The following KLF6 variants were observed in gnomAD, a reference collection of about 807,000 sequenced individuals.
KLF6 encodes the protein KLF transcription factor 6, also known as Krueppel-like factor 6.
For synonymous variants in KLF6, 152 were observed against 147.9 expected, an observed-to-expected ratio of 1.03 and a Z score of -0.20; for missense variants, 233 against 359.8, an observed-to-expected ratio of 0.65 and a Z score of 2.85.
In KLF6 at chr10:3,781,764, C is replaced by T. The variant is rs763596063; in HGVS notation, c.553G>A (p.Asp185Asn). 6.2e-7 allele frequency: 1 copy of T among 1,614,252 alleles called. No individual in the cohort carries two copies. Among genetic ancestry groups the T allele is most frequent in the Non-Finnish European group, 8.5e-7 (1 of 1,180,046 alleles). The change falls in exon 2 of 4, where the codon GAC (aspartate) becomes AAC (asparagine). Residue 185 changes from aspartate to asparagine, a missense_variant. Transcript: ENST00000497571. The surrounding 1 kb of genome is among the most constrained non-coding windows in gnomAD (Gnocchi z 5.8). Reference sequence around the variant, plus strand: ...GGGGAGGCATCGCCATTTCCCTTGTCACCTGGCTTCCCCGAAGTCCCGCTG... The same window carrying T: ...GGGGAGGCATCGCCATTTCCCTTGTTACCTGGCTTCCCCGAAGTCCCGCTG... ...VRSGTSGKPGDKGNGDASPDG... is the reference protein window; with the variant it reads ...VRSGTSGKPGNKGNGDASPDG...
chr10:3,784,371 AAG>A (rs1394406740), intron 1 of KLF6, among the ~76,000 whole-genome samples: 1 of 152,188 alleles, frequency 6.6e-6, no homozygotes, highest in Non-Finnish European at 1.5e-5. Context: ...CTTGGTCAAC[AAG>A]AGAAGCAGGG....
Position 3,776,433 on chromosome 10 carries a change from T to TGAG in KLF6, c.*3103_*3105dup, listed in dbSNP as rs1564291717. The TGAG allele has an allele frequency of 1.9e-6, 1 of 532,118 alleles. No homozygotes were observed. The highest frequency in any genetic ancestry group is 1.9e-5 in the African/African-American group (1 of 53,768). 33.0% of individuals were successfully genotyped at this position (532,118 alleles called of 1,614,324 possible). ...GGAAAGAGGAAGGGGCTGAGGTCGGTGAGTTGTTCTCAGGGTTGCTCAATG... is the reference window on the plus strand; with the variant it reads ...GGAAAGAGGAAGGGGCTGAGGTCGGTGAGGAGTTGTTCTCAGGGTTGCTCAATG... On this transcript the variant is annotated 3_prime_UTR_variant, in exon 4 of 4. Coordinates refer to ENST00000497571, the MANE Select transcript of KLF6 (RefSeq NM_001300.6).
chr10:3,776,932 C>CTTTTT lies in KLF6; in HGVS notation c.*2602_*2606dup. On this transcript the variant is annotated 3_prime_UTR_variant, in exon 4 of 4. Coordinates refer to ENST00000497571, the MANE Select transcript of KLF6 (RefSeq NM_001300.6). ...AAGCCAGTGCAAGTTTTTTTTTTTC[C>CTTTTT]TTTTTTTTTTTTTGTCTTTTGCTTA... is the stretch of plus-strand genomic sequence containing the variant. The CTTTTT allele has an allele frequency of 2.6e-5, 11 of 417,584 alleles. No individual in the cohort carries two copies. The highest frequency in any genetic ancestry group is 1.5e-4 in the East Asian group (3 of 19,396). The allele number at this position is 417,584 out of a possible 1,614,324, so 25.9% of individuals were successfully genotyped here. A position where few individuals can be genotyped will look rare whatever the true frequency, so the allele number is the denominator to read the frequency against.
In KLF6 at chr10:3,776,553, TGC is replaced by T; in HGVS notation, c.*2984_*2985del. On this transcript the variant is annotated 3_prime_UTR_variant, in exon 4 of 4. Coordinates refer to ENST00000497571, the MANE Select transcript of KLF6 (RefSeq NM_001300.6). ...CCAAAAAAAACAACCAGACTCAAGA[TGC>T]TGATAAGAATTCTTTTATGTTATTC... 1.9e-6 allele frequency: 1 copy of T among 526,876 alleles called. No homozygotes were observed. Among genetic ancestry groups the T allele is most frequent in the South Asian group, 1.5e-5 (1 of 65,092 alleles). The allele number at this position is 526,876 out of a possible 1,614,324, so 32.6% of individuals were successfully genotyped here.
rs1588341912 is a variant in KLF6 at position 3,779,470 on chromosome 10, A to C, written c.*69T>G. ...ACGGCATGCTTTGGCTGGAACACGC[A>C]TCCCTCCTTCCACGGCCGGCTCTCA... On this transcript the variant is annotated 3_prime_UTR_variant, in exon 4 of 4. Transcript: ENST00000497571. 7.5e-7 allele frequency: 1 copy of C among 1,331,992 alleles called. No homozygotes were observed. Among genetic ancestry groups the C allele is most frequent in the Non-Finnish European group, 1.1e-6 (1 of 923,246 alleles). 82.5% of individuals were successfully genotyped at this position (1,331,992 alleles called of 1,614,324 possible).
At position 3,777,879 on chromosome 10, in the gene KLF6, A is replaced by G. The variant is rs749703226; in HGVS notation, c.*1660T>C. On this transcript the variant is annotated 3_prime_UTR_variant, in exon 4 of 4. Coordinates refer to ENST00000497571, the MANE Select transcript of KLF6 (RefSeq NM_001300.6). ...ATTACCAACAGATAGCTAGACAGAT[A>G]TGTGAAACTTGTGCCTTTTAAGCAA... 8 of 486,592 alleles carry G rather than the reference A, an allele frequency of 1.6e-5. No homozygotes were observed. The highest frequency in any genetic ancestry group is 1.1e-4 in the South Asian group (7 of 63,280). 30.1% of individuals were successfully genotyped at this position (486,592 alleles called of 1,614,324 possible). A position where few individuals can be genotyped will look rare whatever the true frequency, so the allele number is the denominator to read the frequency against.
chr10:3,780,563 C>G lies in KLF6; in HGVS notation c.677-334G>C, dbSNP rs996693256. 20 of 408,104 alleles carry G rather than the reference C, an allele frequency of 4.9e-5. No homozygotes were observed. Among genetic ancestry groups the G allele is most frequent in the African/African-American group, 4.1e-4 (20 of 48,944 alleles). The allele number at this position is 408,104 out of a possible 1,614,324, so 25.3% of individuals were successfully genotyped here. A position where few individuals can be genotyped will look rare whatever the true frequency, so the allele number is the denominator to read the frequency against. ...GCCGGACCCACAGCCCCGGCAAAGG[C>G]AGAGCTATTGCTTTCTTCATGGCAA... On this transcript the variant is annotated intron_variant, in intron 2 of 3. Coordinates refer to ENST00000497571, the MANE Select transcript of KLF6 (RefSeq NM_001300.6). This position sits in a 1 kb window ranked among gnomAD's most constrained non-coding sequence, Gnocchi z 4.6.
chr10:3,780,268 C>A lies in KLF6; in HGVS notation c.677-39G>T. 6.2e-7 allele frequency: 1 copy of A among 1,611,132 alleles called. No individual in the cohort carries two copies. The highest frequency in any genetic ancestry group is 1.1e-5 in the South Asian group (1 of 91,070). On this transcript the variant is annotated intron_variant, in intron 2 of 3. Transcript: ENST00000497571. This position sits in a 1 kb window ranked among gnomAD's most constrained non-coding sequence, Gnocchi z 4.6. ...ACAGGACAAGCAGCCCATGACTTCA[C>A]TGACCCGCAGACGGAAAGGGGAAAT...
Position 3,776,359 on chromosome 10 carries a change from G to A in KLF6, c.*3180C>T, listed in dbSNP as rs1416596768. 10 of 532,326 alleles carry A rather than the reference G, an allele frequency of 1.9e-5. No individual in the cohort carries two copies. Among genetic ancestry groups the A allele is most frequent in the Non-Finnish European group, 2.9e-5 (8 of 275,192 alleles). The allele number at this position is 532,326 out of a possible 1,614,324, so 33.0% of individuals were successfully genotyped here. ...AAGAGTATTTGATGCATTCAGGGAG[G>A]GCAATGTCAGGCTCGCTGACATCCT... is the stretch of plus-strand genomic sequence containing the variant. On this transcript the variant is annotated 3_prime_UTR_variant, in exon 4 of 4. Transcript: ENST00000497571.
intron 3 of KLF6, 108 bp downstream of exon 3, chr10:3,779,998 G>C: frequency 7.2e-7 from 1 of 1,388,432 alleles, no homozygotes; most frequent in Non-Finnish European, 1.0e-6. Flanking sequence ...TTCACACATA[G>C]GAAACTGCAT....
In KLF6 at chr10:3,778,659, A is replaced by G. The variant is rs1832450678; in HGVS notation, c.*880T>C. Reference sequence around the variant, plus strand: ...TGTATATTGCCAGGCCCGGATGGCTAGGGGGTCACTGTATTAGACAGATTG... The same window carrying G: ...TGTATATTGCCAGGCCCGGATGGCTGGGGGGTCACTGTATTAGACAGATTG... On this transcript the variant is annotated 3_prime_UTR_variant, in exon 4 of 4. Coordinates refer to ENST00000497571, the MANE Select transcript of KLF6 (RefSeq NM_001300.6). 1.9e-6 allele frequency: 1 copy of G among 520,076 alleles called. No individual in the cohort carries two copies. Among genetic ancestry groups the G allele is most frequent in the East Asian group, 4.1e-5 (1 of 24,620 alleles). 32.2% of individuals were successfully genotyped at this position (520,076 alleles called of 1,614,324 possible).
At position 3,785,181 on chromosome 10, in the gene KLF6, A is replaced by T; in HGVS notation, c.-167T>A. 1 of 1,415,894 alleles carries T rather than the reference A, an allele frequency of 7.1e-7. No individual in the cohort carries two copies. Among genetic ancestry groups the T allele is most frequent in the Non-Finnish European group, 9.6e-7 (1 of 1,039,228 alleles). 87.7% of individuals were successfully genotyped at this position (1,415,894 alleles called of 1,614,324 possible). ...GCAGCCCGCAGCGCGCGGAGCCCAC[A>T]CAATATTTGCAAACACCGGACTGAC... On this transcript the variant is annotated 5_prime_UTR_variant, in exon 1 of 4. Coordinates refer to ENST00000497571, the MANE Select transcript of KLF6 (RefSeq NM_001300.6).
In KLF6 at chr10:3,780,770, C is replaced by G. The variant is rs1430519543; in HGVS notation, c.677-541G>C. On this transcript the variant is annotated intron_variant, in intron 2 of 3. Transcript: ENST00000497571. The surrounding 1 kb of genome is among the most constrained non-coding windows in gnomAD (Gnocchi z 4.6). ...TTGAACAACTGGGTTCACTTCATTC[C>G]TTGGTCAAATCATAAATATGAATTT... is the stretch of plus-strand genomic sequence containing the variant. 5.3e-6 allele frequency: 1 copy of G among 188,684 alleles called. No homozygotes were observed. The highest frequency in any genetic ancestry group is 1.1e-5 in the Non-Finnish European group (1 of 87,790). 11.7% of individuals were successfully genotyped at this position (188,684 alleles called of 1,614,324 possible).
Position 3,781,914 on chromosome 10 carries a change from C to A in KLF6, c.403G>T (p.Val135Phe). 6.2e-7 allele frequency: 1 copy of A among 1,614,188 alleles called. No homozygotes were observed. Among genetic ancestry groups the A allele is most frequent in the Non-Finnish European group, 8.5e-7 (1 of 1,180,028 alleles). The change falls in exon 2 of 4, where the codon GTC becomes TTC. Residue 135 changes from valine (V) to phenylalanine (F), a missense_variant. Physicochemically the swap from Val to Phe is conservative, Grantham distance 50. Coordinates refer to ENST00000497571, the MANE Select transcript of KLF6 (RefSeq NM_001300.6). This position sits in a 1 kb window ranked among gnomAD's most constrained non-coding sequence, Gnocchi z 5.8. ...FTSDPIGEVL[V>F]SSGKLSSSVT... ...GAGGAGCTCAATTTTCCCGAGCTGA[C>A]CAAAACTTCGCCAATGGGGTCGGAG...
chr10:3,778,035 C>A lies in KLF6; in HGVS notation c.*1504G>T, dbSNP rs1364166743. The A allele has an allele frequency of 2.0e-6, 1 of 510,394 alleles. No homozygotes were observed. The highest frequency in any genetic ancestry group is 1.5e-5 in the South Asian group (1 of 64,956). 31.6% of individuals were successfully genotyped at this position (510,394 alleles called of 1,614,324 possible). ...GGTCTATATGAAAGTCTCAAGGTGG[C>A]AGAATTGGTCAGATTTTTCCATTTT... is the stretch of plus-strand genomic sequence containing the variant. On this transcript the variant is annotated 3_prime_UTR_variant, in exon 4 of 4. Coordinates refer to ENST00000497571, the MANE Select transcript of KLF6 (RefSeq NM_001300.6).
Position 3,777,627 on chromosome 10 carries a change from AG to A in KLF6, c.*1911del, listed in dbSNP as rs1387256635. 2.0e-6 allele frequency: 1 copy of A among 499,616 alleles called. No individual in the cohort carries two copies. Among genetic ancestry groups the A allele is most frequent in the Non-Finnish European group, 3.9e-6 (1 of 254,472 alleles). The allele number at this position is 499,616 out of a possible 1,614,324, so 30.9% of individuals were successfully genotyped here. A position where few individuals can be genotyped will look rare whatever the true frequency, so the allele number is the denominator to read the frequency against. On this transcript the variant is annotated 3_prime_UTR_variant, in exon 4 of 4. Transcript: ENST00000497571. ...AAATTAAAGATAAAGCCTCTATAAA[AG>A]TTAGGTTATGGTTTTCATTTTTACC...
chr10:3,781,617 T>A lies in KLF6; in HGVS notation c.676+24A>T. 6.2e-7 allele frequency: 1 copy of A among 1,610,574 alleles called. No homozygotes were observed. Among genetic ancestry groups the A allele is most frequent in the Non-Finnish European group, 8.5e-7 (1 of 1,178,544 alleles). ...CAGTGGCGCCCACCAGCGGCCGCCC[T>A]CCGGGGCCCGCGTGGGCACTGACCT... On this transcript the variant is annotated intron_variant, in intron 2 of 3. Coordinates refer to ENST00000497571, the MANE Select transcript of KLF6 (RefSeq NM_001300.6). This position sits in a 1 kb window ranked among gnomAD's most constrained non-coding sequence, Gnocchi z 5.8.
At position 3,776,973 on chromosome 10, in the gene KLF6, G is replaced by A. The variant is rs1832398386; in HGVS notation, c.*2566C>T. On this transcript the variant is annotated 3_prime_UTR_variant, in exon 4 of 4. Coordinates refer to ENST00000497571, the MANE Select transcript of KLF6 (RefSeq NM_001300.6). ...CTTTTGCTTACCTTCTTGCTTAATGGAATTGTTATGGCTAAGCACATAGAA... is the reference window on the plus strand; with the variant it reads ...CTTTTGCTTACCTTCTTGCTTAATGAAATTGTTATGGCTAAGCACATAGAA... 1 of 516,716 alleles carries A rather than the reference G, an allele frequency of 1.9e-6. No homozygotes were observed. Among genetic ancestry groups the A allele is most frequent in the Admixed American group, 2.3e-5 (1 of 44,196 alleles). 32.0% of individuals were successfully genotyped at this position (516,716 alleles called of 1,614,324 possible).
rs1380757126 is a variant in KLF6 at position 3,777,753 on chromosome 10, A to C, written c.*1786T>G. On this transcript the variant is annotated 3_prime_UTR_variant, in exon 4 of 4. Transcript: ENST00000497571. ...AAAAAAATATTTATATATTATCTATATATATAATATATATATATACACACA... is the reference window on the plus strand; with the variant it reads ...AAAAAAATATTTATATATTATCTATCTATATAATATATATATATACACACA... The C allele has an allele frequency of 1.1e-5, 3 of 265,614 alleles. No individual in the cohort carries two copies. The highest frequency in any genetic ancestry group is 2.1e-5 in the Non-Finnish European group (3 of 139,868). The allele number at this position is 265,614 out of a possible 1,614,324, so 16.5% of individuals were successfully genotyped here. A position where few individuals can be genotyped will look rare whatever the true frequency, so the allele number is the denominator to read the frequency against.
Sources: gnomAD v4.1 joint callset for allele counts (sites outside exome capture counted in the v4.1 genomes callset) on GRCh38, gnomAD v4.1.1 for gene constraint, Gnocchi (gnomAD v3.1) non-coding constraint, MANE v1.5 for transcripts, NCBI Gene and HGNC (gene_info 2026-07-23, HGNC 2026-07-21) for gene names.